NBN: variants seen among roughly 807,000 people sequenced by gnomAD.
NBN encodes the protein Nijmegen breakage syndrome 1 (nibrin).
In NBN, 88 loss-of-function variants were observed where a neutral mutation model predicts 90.8. The observed-to-expected ratio is 0.97, with a 90% CI of 0.82 to 1.16. The LOEUF is 1.16. Among genes scored for constraint, NBN ranks in the 50% most tolerant of loss-of-function variants. The pLI is 0.00. For missense variants in NBN, 894 were observed against 869.6 expected (o/e 1.03, Z -0.35); for synonymous variants, 328 against 295.1 (o/e 1.11, Z -1.14).
rs1057523944 is a variant in NBN at position 89,943,265 on chromosome 8, C to A, written c.2172G>T (p.Arg724Ser). The A allele has an allele frequency of 1.2e-6, 2 of 1,613,674 alleles. No homozygotes were observed. Among genetic ancestry groups the A allele is most frequent in the Non-Finnish European group, 1.7e-6 (2 of 1,179,766 alleles). Residue 724 changes from arginine to serine, a missense_variant, in exon 14 of 16, where the codon AGG becomes AGT. Coordinates refer to ENST00000265433, the MANE Select transcript of NBN (RefSeq NM_002485.5). ...ACTTCCTACTAACCTCCATTTCCTG[C>A]CTTAGCCACTCTTCTAGTTCTGTAT... ...RKNTELEEWL[R>S]QEMEVQNQHA...
At chr8:89,958,042 G>A (rs988771660) in intron 9 of NBN, among the ~76,000 whole-genome samples, 1 of 152,202 alleles carries the variant, frequency 6.6e-6, no homozygotes, top group East Asian at 1.9e-4. Flanking sequence ...ATGGGAGACA[G>A]TGACAGATCA....
At chr8:89,938,984 TAAG>T (rs1164438231) in intron 14 of NBN, among the ~76,000 whole-genome samples, 1 of 152,144 alleles carries the variant, frequency 6.6e-6, no homozygotes, top group Non-Finnish European at 1.5e-5. Context: ...AAAATAGTAT[TAAG>T]AAACAGAAAT....
In NBN at chr8:89,984,632, G is replaced by T; in HGVS notation, c.-71C>A. 3 of 1,591,864 alleles carry T rather than the reference G, an allele frequency of 1.9e-6. No individual in the cohort carries two copies. The highest frequency in any genetic ancestry group is 2.6e-6 in the Non-Finnish European group (3 of 1,169,284). On this transcript the variant is annotated 5_prime_UTR_variant, in exon 1 of 16. Transcript: ENST00000265433. ...GGGGCTGCTAGACGAGCGCGGATACGGCGCCTGCGGTCGGCATGGGCTCCG... is the reference window on the plus strand; with the variant it reads ...GGGGCTGCTAGACGAGCGCGGATACTGCGCCTGCGGTCGGCATGGGCTCCG...
rs1810270617 is a variant in NBN, at chr8:89,947,877, C to T, written c.1861G>A (p.Gly621Arg). 2 of 1,570,156 alleles carry T rather than the reference C, an allele frequency of 1.3e-6. No homozygotes were observed. Among genetic ancestry groups the T allele is most frequent in the South Asian group, 2.3e-5 (2 of 88,266 alleles). ...TCTTCCTTGAGTTCACGTTTCTTCC[C>T]AATTTCATTTTCTTGCTAAAGAAAT... The part of the protein sequence containing the change: ...SSKISQENEI[G>R]KKRELKEDSL... The change falls in exon 12 of 16, where the codon GGG (glycine) becomes AGG (arginine). Residue 621 changes from glycine (G) to arginine (R), a missense_variant. Physicochemically the swap from Gly to Arg is moderately radical, Grantham distance 125 (BLOSUM62 -2). Coordinates refer to ENST00000265433, the MANE Select transcript of NBN (RefSeq NM_002485.5).
chr8:89,971,094 A>T (rs1811492672), intron 6 of NBN, 79 bp downstream of exon 6: 1 of 1,455,150 alleles, frequency 6.9e-7, no homozygotes, highest in African/African-American at 1.4e-5. Flanking sequence ...AAATACGTTA[A>T]CAACTACTGA....
intron 5 of NBN, among the ~76,000 whole-genome samples, chr8:89,973,064 CCTCT>C (rs1437628767): frequency 6.6e-6 from 1 of 152,172 alleles, no homozygotes; most frequent in Non-Finnish European, 1.5e-5. Context: ...GCCTGTTAGG[CCTCT>C]CTAATGGCTC....
rs772234785 is a variant in NBN, at chr8:89,953,447, T to C, written c.1642A>G (p.Asn548Asp). The change falls in exon 11 of 16, where the codon AAT (asparagine) becomes GAT (aspartate). Residue 548 changes from asparagine to aspartate, a missense_variant. Asn to Asp is a conservative substitution (Grantham distance 23, BLOSUM62 1). Coordinates refer to ENST00000265433, the MANE Select transcript of NBN (RefSeq NM_002485.5). ...ACATCATCCATTTCCCTTTTTTTAT[T>C]TGATCTTAGCTTTTCTGCAGCATGA... ...KSHAAEKLRS[N>D]KKREMDDVAI... 1 of 1,613,886 alleles carries C rather than the reference T, an allele frequency of 6.2e-7. No homozygotes were observed. The highest frequency in any genetic ancestry group is 1.7e-5 in the Admixed American group (1 of 60,022).
chr8:89,973,110 T>C (rs1020207096), intron 5 of NBN, among the ~76,000 whole-genome samples: 1 of 152,234 alleles, frequency 6.6e-6, no homozygotes, highest in African/African-American at 2.4e-5. Flanking sequence ...AGTGTCATTC[T>C]TTAACAGCTG....
intron 8 of NBN, among the ~76,000 whole-genome samples, chr8:89,959,480 C>T (rs1197067590): frequency 1.3e-5 from 2 of 152,160 alleles, no homozygotes; most frequent in East Asian, 3.9e-4. Flanking sequence ...AAGCCAGGTG[C>T]AGTGGTTCAC....
chr8:89,964,359 G>T, intron 8 of NBN, 51 bp downstream of exon 8: 2 of 1,596,918 alleles, frequency 1.3e-6, no homozygotes, highest in Non-Finnish European at 1.7e-6. Context: ...TTAGCTTATC[G>T]ATTTACATAA....
intron 4 of NBN, among the ~76,000 whole-genome samples, chr8:89,978,730 A>T (rs1811896138): frequency 6.6e-6 from 1 of 152,220 alleles, no homozygotes; most frequent in African/African-American, 2.4e-5. Flanking sequence ...TTAGGAGATG[A>T]ACATGAGCTA....
At chr8:89,971,052 T>C (rs1811490683) in intron 6 of NBN, 121 bp downstream of exon 6, 4 of 1,090,850 alleles carry the variant, frequency 3.7e-6, no homozygotes, top group Non-Finnish European at 3.9e-6. Flanking sequence ...TTTTTTATTC[T>C]ACTTCACACT....
chr8:89,939,657 A>C (rs79742036), intron 14 of NBN, among the ~76,000 whole-genome samples: 9 of 152,310 alleles, frequency 5.9e-5, no homozygotes, highest in Admixed American at 3.9e-4. Context: ...AAAGTGCTAC[A>C]CAACTGGTCA....
At chr8:89,964,138 A>G (rs974011972) in intron 8 of NBN, among the ~76,000 whole-genome samples, 2 of 152,066 alleles carry the variant, frequency 1.3e-5, no homozygotes, top group African/African-American at 4.8e-5. Context: ...TGAACTTACC[A>G]TGTGTGTGTG....
In NBN at chr8:89,946,122, TAC is replaced by T. The variant is rs1563512699; in HGVS notation, c.2070+16_2070+17del. 1.3e-6 allele frequency: 2 copies of T among 1,529,482 alleles called. No homozygotes were observed. Among genetic ancestry groups the T allele is most frequent in the Non-Finnish European group, 1.8e-6 (2 of 1,106,430 alleles). 94.7% of individuals were successfully genotyped at this position (1,529,482 alleles called of 1,614,324 possible). A position where few individuals can be genotyped will look rare whatever the true frequency, so the allele number is the denominator to read the frequency against. ...CATTTCAAACACTGACCTCTTGTGA[TAC>T]AGTTGAAATACCTACCTTTTTGAAT... On this transcript the variant is annotated intron_variant, in intron 13 of 15. Transcript: ENST00000265433.
intron 7 of NBN, 60 bp from the exon 8 acceptor site, chr8:89,964,567 A>C: frequency 6.7e-7 from 1 of 1,491,688 alleles, no homozygotes; most frequent in Non-Finnish European, 9.3e-7. Flanking sequence ...TTTTATTCAG[A>C]TAATGTCAAG....
chr8:89,972,584 C>T (rs972435243), intron 5 of NBN, among the ~76,000 whole-genome samples: 4 of 152,188 alleles, frequency 2.6e-5, no homozygotes, highest in Admixed American at 6.5e-5. Flanking sequence ...AGTAGACATT[C>T]GGACACATAA....
chr8:89,944,858 G>A (rs551919768), intron 13 of NBN, among the ~76,000 whole-genome samples: 4 of 152,302 alleles, frequency 2.6e-5, no homozygotes, highest in African/African-American at 9.6e-5. Context: ...TGACATTACA[G>A]GTGTGAGCGA....
chr8:89,984,500 C>T (rs929515337), intron 1 of NBN, 25 bp downstream of exon 1: 26 of 1,607,618 alleles, frequency 1.6e-5, no homozygotes, highest in Non-Finnish European at 2.2e-5. Context: ...GAAAATAGGC[C>T]CCGAGGCTTC....
Sources: gnomAD v4.1 joint callset for allele counts (sites outside exome capture counted in the v4.1 genomes callset) on GRCh38, gnomAD v4.1.1 for gene constraint, MANE v1.5 for transcripts, NCBI Gene and HGNC (gene_info 2026-07-23, HGNC 2026-07-21) for gene names.